The following TFEB variants were observed in gnomAD, a reference collection of about 807,000 sequenced individuals.
TFEB encodes T-cell transcription factor EB.
In TFEB, 12 loss-of-function variants were observed where a neutral mutation model predicts 48.0. The observed-to-expected ratio is 0.25, with a 90% confidence interval of 0.16 to 0.40. TFEB has a LOEUF of 0.40. TFEB is among the 10% of genes least tolerant of loss of function. The pLI is 1.00. For missense variants in TFEB, 509 were observed against 640.3 expected (o/e 0.79, Z 2.21); for synonymous variants, 244 against 261.4 (o/e 0.93, Z 0.64).
chr6:41,707,930 A>C (rs2127242000), intron 1 of TFEB, among the ~76,000 whole-genome samples: 1 of 152,276 alleles, frequency 6.6e-6, no homozygotes, highest in South Asian at 2.1e-4. Context: ...AGTCAGAAAA[A>C]CCACTACAAT....
Position 41,723,553 on chromosome 6 carries a change from G to A in TFEB, c.-23+11797C>T. On this transcript the variant is annotated intron_variant, in intron 1 of 8. Transcript: ENST00000373033. The surrounding 1 kb of genome is among the most constrained non-coding windows in gnomAD (Gnocchi z 6.0). ...GGGCCGCACCCCAGCCCCAGGGCCG[G>A]GCTCAGTTTCCTCATTTCCCCGGCG... The A allele has an allele frequency of 3.2e-6, 4 of 1,268,058 alleles. No homozygotes were observed. The highest frequency in any genetic ancestry group is 4.1e-6 in the Non-Finnish European group (4 of 979,782). 78.6% of individuals were successfully genotyped at this position (1,268,058 alleles called of 1,614,324 possible).
intron 1 of TFEB, among the ~76,000 whole-genome samples, chr6:41,698,046 A>AT (rs1561857064): frequency 2.6e-5 from 4 of 152,160 alleles, no homozygotes; most frequent in African/African-American, 9.7e-5. Context: ...TTGAAAAAAA[A>AT]ATATTTTATG....
At chr6:41,735,248 CA>C (rs1771631196) in intron 1 of TFEB, 101 bp downstream of exon 1, 1 of 953,596 alleles carries the variant, frequency 1.0e-6, no homozygotes. Flanking sequence ...CGGCATCCCC[CA>C]CCCTCCCACC....
chr6:41,734,905 A>T lies in TFEB; in HGVS notation c.-23+445T>A. The T allele has an allele frequency of 1.0e-6, 1 of 978,734 alleles. No individual in the cohort carries two copies. Among genetic ancestry groups the T allele is most frequent in the South Asian group, 4.8e-5 (1 of 20,910 alleles). The allele number at this position is 978,734 out of a possible 1,614,324, so 60.6% of individuals were successfully genotyped here. On this transcript the variant is annotated intron_variant, in intron 1 of 8. Coordinates refer to ENST00000373033, the MANE Select transcript of TFEB (RefSeq NM_001271944.2). The surrounding 1 kb of genome is among the most constrained non-coding windows in gnomAD (Gnocchi z 4.0). The stretch of plus-strand genomic sequence containing the variant: ...CCCCCGCACACCTCCCCTACCTCCG[A>T]CCCCCTCTCAGGCATCGCCGGCCCC...
intron 4 of TFEB, 43 bp downstream of exon 4, chr6:41,689,688 C>A (rs1432677589): frequency 6.5e-7 from 1 of 1,528,302 alleles, no homozygotes; most frequent in Non-Finnish European, 9.1e-7. Flanking sequence ...GTGCCCCCCT[C>A]CCTAGAACCC....
At chr6:41,732,819 C>G in intron 1 of TFEB, 1 of 985,930 alleles carries the variant, frequency 1.0e-6, no homozygotes, top group Non-Finnish European at 1.2e-6. Context: ...TCCCACCCTC[C>G]GATCAGAGGA....
rs550656989 is a variant in TFEB at position 41,728,147 on chromosome 6, C to T, written c.-23+7203G>A. Reference sequence around the variant, plus strand: ...AGTACATTAGTCTACACTAGCTTCTCGCATTCTGCTCCTCTCTGCCCTCTG... The same window carrying T: ...AGTACATTAGTCTACACTAGCTTCTTGCATTCTGCTCCTCTCTGCCCTCTG... On this transcript the variant is annotated intron_variant, in intron 1 of 8. Coordinates refer to ENST00000373033, the MANE Select transcript of TFEB (RefSeq NM_001271944.2). 2.1e-4 allele frequency among the ~76,000 whole-genome samples: 32 copies of T among 152,366 alleles called. No individual in the cohort carries two copies. The South Asian group carries it at 5.2e-3, about 25-fold the overall frequency.
chr6:41,702,506 G>T (rs1454196555), intron 1 of TFEB, among the ~76,000 whole-genome samples: 1 of 152,108 alleles, frequency 6.6e-6, no homozygotes, highest in Admixed American at 6.5e-5. Context: ...GCGATAGAGG[G>T]GTTTAGAGAC....
In TFEB at chr6:41,735,371, T is replaced by G. The variant is rs1224577584; in HGVS notation, c.-44A>C. On this transcript the variant is annotated 5_prime_UTR_variant, in exon 1 of 9. Coordinates refer to ENST00000373033, the MANE Select transcript of TFEB (RefSeq NM_001271944.2). ...TCACCTCGCTCTGAAGGTCAATCTG[T>G]CCGCCGCCCGCGCCCCGCGGCTCCG... 2 of 985,190 alleles carry G rather than the reference T, an allele frequency of 2.0e-6. No individual in the cohort carries two copies. Among genetic ancestry groups the G allele is most frequent in the Non-Finnish European group, 2.4e-6 (2 of 830,322 alleles). 61.0% of individuals were successfully genotyped at this position (985,190 alleles called of 1,614,324 possible). A position where few individuals can be genotyped will look rare whatever the true frequency, so the allele number is the denominator to read the frequency against.
In TFEB at chr6:41,732,083, G is replaced by A. The variant is rs151271988; in HGVS notation, c.-23+3267C>T. On this transcript the variant is annotated intron_variant, in intron 1 of 8. Transcript: ENST00000373033. The stretch of plus-strand genomic sequence containing the variant: ...CTTTTTTCAATTGAGTCCAGGTCTC[G>A]CTATGTTGCCCAGGCTGGTCTCGAA... Among the ~76,000 whole-genome samples the A allele has an allele frequency of 2.6e-5, 4 of 152,032 alleles. No individual in the cohort carries two copies. In the East Asian group the frequency reaches 7.7e-4, roughly 29 times the overall value.
At position 41,730,147 on chromosome 6, in the gene TFEB, G is replaced by A. The variant is rs1176344109; in HGVS notation, c.-23+5203C>T. 6.6e-6 allele frequency among the ~76,000 whole-genome samples: 1 copy of A among 151,884 alleles called. No homozygotes were observed. The highest frequency in any genetic ancestry group is 2.4e-5 in the African/African-American group (1 of 41,356). On this transcript the variant is annotated intron_variant, in intron 1 of 8. Coordinates refer to ENST00000373033, the MANE Select transcript of TFEB (RefSeq NM_001271944.2). The surrounding 1 kb of genome is among the most constrained non-coding windows in gnomAD (Gnocchi z 4.1). ...GAAAAAAAAAAAATTAAATAAAGAT[G>A]CCTAGGCCCCTCCCCAAGAGATTCA...
intron 1 of TFEB, among the ~76,000 whole-genome samples, chr6:41,704,061 C>T (rs1318328097): frequency 1.3e-5 from 2 of 152,102 alleles, no homozygotes; most frequent in East Asian, 1.9e-4. Context: ...CAGGTGGGTG[C>T]AGGACACCAG....
At chr6:41,717,265 C>T (rs1326661780) in intron 1 of TFEB, among the ~76,000 whole-genome samples, 2 of 152,188 alleles carry the variant, frequency 1.3e-5, no homozygotes, top group East Asian at 1.9e-4. Context: ...GAAAAGCAGA[C>T]ATCAACTGTG....
upstream of TFEB, chr6:41,735,650 C>G (rs1447119723): frequency 4.9e-6 from 4 of 813,040 alleles, no homozygotes; most frequent in Non-Finnish European, 6.0e-6. Context: ...GCACCCGCCC[C>G]GCCTCCCAGC....
In TFEB at chr6:41,686,987, G is replaced by A. The variant is rs1467065646; in HGVS notation, c.803+107C>T. 5.4e-6 allele frequency: 5 copies of A among 918,258 alleles called. No individual in the cohort carries two copies. The African/African-American group carries it at 8.2e-5, about 15-fold the overall frequency. 56.9% of individuals were successfully genotyped at this position (918,258 alleles called of 1,614,324 possible). ...TTCTCAAATAGATGAACTTCTAGAA[G>A]GAATTCTCCTCCCATCCTAGTAACT... is the stretch of plus-strand genomic sequence containing the variant. On this transcript the variant is annotated intron_variant, in intron 7 of 8. Transcript: ENST00000373033.
intron 1 of TFEB, among the ~76,000 whole-genome samples, chr6:41,703,429 C>T (rs1770041804): frequency 6.6e-6 from 1 of 152,218 alleles, no homozygotes; most frequent in Non-Finnish European, 1.5e-5. Context: ...CCGCCAGTGC[C>T]TGGCTCCTGC....
At chr6:41,689,973 C>G (rs1769212651) in intron 3 of TFEB, among the ~76,000 whole-genome samples, 162 bp from the exon 4 acceptor site, 1 of 152,100 alleles carries the variant, frequency 6.6e-6, no homozygotes, top group Non-Finnish European at 1.5e-5. Context: ...ATGAGCTGTC[C>G]AGGTCCCACT....
chr6:41,727,350 G>A (rs978471359), intron 1 of TFEB, among the ~76,000 whole-genome samples: 2 of 152,222 alleles, frequency 1.3e-5, no homozygotes, highest in Non-Finnish European at 2.9e-5. Flanking sequence ...TGCAGATGCT[G>A]TGGAACTAGA....
rs201334367 is a variant in TFEB, at chr6:41,684,611, G to A, written c.1419C>T (p.Gly473=). 41 of 1,586,898 alleles carry A rather than the reference G, an allele frequency of 2.6e-5. No individual in the cohort carries two copies. Among genetic ancestry groups the A allele is most frequent in the African/African-American group, 4.0e-5 (3 of 74,394 alleles). The change falls in exon 9 of 9, where the codon GGC becomes GGT. Residue 473 remains glycine (G), a synonymous_variant. Coordinates refer to ENST00000373033, the MANE Select transcript of TFEB (RefSeq NM_001271944.2). Reference sequence around the variant, plus strand: ...GGGGCAGCCAGGGTCACAGCACATCGCCCTCCTCCATGCTGAAGCTGCTCC... The same window carrying A: ...GGGGCAGCCAGGGTCACAGCACATCACCCTCCTCCATGCTGAAGCTGCTCC... ...SRRSSFSMEE[G]DVL
Sources: allele counts gnomAD v4.1 joint callset (sites outside exome capture counted in the v4.1 genomes callset), GRCh38; gene constraint gnomAD v4.1.1; non-coding constraint Gnocchi (gnomAD v3.1); transcripts MANE v1.5; gene names NCBI Gene and HGNC (gene_info 2026-07-23, HGNC 2026-07-21).